The following ADAM29 variants were observed in gnomAD, a reference collection of about 807,000 sequenced individuals.
The protein encoded by ADAM29 is disintegrin and metalloproteinase domain-containing protein 29.
For missense variants in ADAM29, 969 were observed against 1,001.8 expected, an observed-to-expected ratio of 0.97 and a Z score of 0.44; for synonymous variants, 367 against 342.3, an observed-to-expected ratio of 1.07 and a Z score of -0.80.
At chr4:174,921,122 A>T (rs1269748987) in intron 2 of ADAM29, among the ~76,000 whole-genome samples, 9 of 152,220 alleles carry the variant, frequency 5.9e-5, no homozygotes, top group African/African-American at 1.9e-4. Flanking sequence ...TTGTCACCAG[A>T]AAGTATAAAC....
At chr4:174,949,326 G>A (rs552346224) in intron 4 of ADAM29, among the ~76,000 whole-genome samples, 33 of 152,246 alleles carry the variant, frequency 2.2e-4, no homozygotes, top group East Asian at 7.7e-4. Context: ...GCCATGCTCC[G>A]CTGAAGCCAT....
intron 4 of ADAM29, among the ~76,000 whole-genome samples, chr4:174,961,386 A>G (rs962057636): frequency 5.9e-5 from 9 of 151,732 alleles, no homozygotes; most frequent in Admixed American, 4.6e-4. Flanking sequence ...TAGACAGTGA[A>G]ACTTTATGCT....
At chr4:174,939,133 C>T (rs1436984030) in intron 4 of ADAM29, among the ~76,000 whole-genome samples, 1 of 152,110 alleles carries the variant, frequency 6.6e-6, no homozygotes, top group Middle Eastern at 3.2e-3. Flanking sequence ...AGTCTTTCTT[C>T]CAAATAAGAG....
In ADAM29 at chr4:174,977,851, C is replaced by T; in HGVS notation, c.2326C>T (p.Gln776Ter). ...GAGTCAACCTCGGGTGATGCCTTCT[C>T]AGAGTCAACCTCCTGTGATGCCTTC... ...SQSQPRVMPS[Q>*]SQPPVMPSQS... Residue 776 changes from glutamine (Q) to a stop codon, truncating the protein, a stop_gained, in exon 5 of 5, where the codon CAG (glutamine) becomes TAG (stop). Coordinates refer to ENST00000359240, the MANE Select transcript of ADAM29 (RefSeq NM_014269.4). LOFTEE classifies it low-confidence loss of function (END_TRUNC). 6.3e-7 allele frequency: 1 copy of T among 1,587,304 alleles called. No homozygotes were observed. Among genetic ancestry groups the T allele is most frequent in the Non-Finnish European group, 8.6e-7 (1 of 1,165,712 alleles).
intron 4 of ADAM29, among the ~76,000 whole-genome samples, chr4:174,967,258 A>T (rs895183929): frequency 6.6e-6 from 1 of 152,194 alleles, no homozygotes; most frequent in African/African-American, 2.4e-5. Flanking sequence ...AATTAAATGT[A>T]TATGTAAACT....
In ADAM29 at chr4:174,977,244, G is replaced by T; in HGVS notation, c.1719G>T (p.Trp573Cys). 4 of 1,614,044 alleles carry T rather than the reference G, an allele frequency of 2.5e-6. No homozygotes were observed. The highest frequency in any genetic ancestry group is 3.4e-6 in the Non-Finnish European group (4 of 1,180,036). The stretch of plus-strand genomic sequence containing the variant: ...TGAGTGATCATACTACTGTGCATTG[G>T]GCTCGCTTCAATGACATAATGTGCT... The part of the protein sequence containing the change: ...PNMSDHTTVH[W>C]ARFNDIMCWS... The change falls in exon 5 of 5, where the codon TGG (tryptophan) becomes TGT (cysteine). Residue 573 changes from tryptophan to cysteine, a missense_variant. By Grantham distance (215) the Trp-to-Cys change is radical. Transcript: ENST00000359240.
At position 174,977,737 on chromosome 4, in the gene ADAM29, C is replaced by A; in HGVS notation, c.2212C>A (p.Pro738Thr). Reference sequence around the variant, plus strand: ...TCCCCAGAGTCAACCTTGGGTGATGCCTTCCCAGAGTCAACCTCCTGTGAC... The same window carrying A: ...TCCCCAGAGTCAACCTTGGGTGATGACTTCCCAGAGTCAACCTCCTGTGAC... ...LPPQSQPWVMPSQSQPPVTPS... is the reference protein window; with the variant it reads ...LPPQSQPWVMTSQSQPPVTPS... The change falls in exon 5 of 5, where the codon CCT (proline) becomes ACT (threonine). Residue 738 changes from proline (P) to threonine (T), a missense_variant. By Grantham distance (38) the Pro-to-Thr change is conservative. Transcript: ENST00000359240. The A allele has an allele frequency of 1.9e-6, 3 of 1,604,524 alleles. No homozygotes were observed. The highest frequency in any genetic ancestry group is 1.7e-5 in the Admixed American group (1 of 59,804).
chr4:174,936,840 C>A (rs1010629834), intron 3 of ADAM29, 93 bp from the exon 4 acceptor site: 1 of 151,780 alleles, frequency 6.6e-6, no homozygotes, highest in African/African-American at 2.4e-5. Flanking sequence ...TGATCTCGTT[C>A]AGTTTAAAAG....
At chr4:174,961,708 T>A (rs1745831973) in intron 4 of ADAM29, among the ~76,000 whole-genome samples, 1 of 152,154 alleles carries the variant, frequency 6.6e-6, no homozygotes. Context: ...TAGAAAAACA[T>A]TTTTTATCAC....
chr4:174,922,847 T>G (rs1356763598), intron 2 of ADAM29, among the ~76,000 whole-genome samples: 4 of 151,978 alleles, frequency 2.6e-5, no homozygotes, highest in African/African-American at 4.8e-5. Flanking sequence ...AATATAATCT[T>G]CGAAATCTCA....
chr4:174,926,983 A>G (rs774688264), intron 2 of ADAM29, among the ~76,000 whole-genome samples: 13 of 152,258 alleles, frequency 8.5e-5, no homozygotes, highest in Non-Finnish European at 1.3e-4. Context: ...CCACCGAAGA[A>G]TATACATAAA....
At chr4:174,941,705 G>A (rs1232570081) in intron 4 of ADAM29, among the ~76,000 whole-genome samples, 1 of 152,120 alleles carries the variant, frequency 6.6e-6, no homozygotes, top group Non-Finnish European at 1.5e-5. Context: ...GGGACACAGA[G>A]CCAAACCATA....
chr4:174,928,895 G>T (rs1743682501), intron 2 of ADAM29, among the ~76,000 whole-genome samples: 2 of 152,122 alleles, frequency 1.3e-5, no homozygotes, highest in Non-Finnish European at 2.9e-5. Flanking sequence ...TGTAAAACTT[G>T]CAAGAGAAGA....
intron 4 of ADAM29, among the ~76,000 whole-genome samples, chr4:174,944,529 T>A (rs192989270): frequency 1.3e-3 from 198 of 152,326 alleles, no homozygotes; most frequent in African/African-American, 4.1e-3. Context: ...TATTTTTTTT[T>A]AATTAAACTT....
At chr4:174,927,651 C>T (rs924519620) in intron 2 of ADAM29, among the ~76,000 whole-genome samples, 3 of 152,122 alleles carry the variant, frequency 2.0e-5, no homozygotes, top group East Asian at 1.9e-4. Flanking sequence ...ATCTTGTAAC[C>T]TGCAGCCTTG....
rs548717930 is a variant in ADAM29 at position 174,947,432 on chromosome 4, G to A, written c.-181+10419G>A. Among the ~76,000 whole-genome samples the A allele has an allele frequency of 8.8e-4, 134 of 152,052 alleles. 1 individual carries two copies. Among genetic ancestry groups the A allele is most frequent in the Middle Eastern group, 6.8e-3 (2 of 294 alleles). On this transcript the variant is annotated intron_variant, in intron 4 of 4. Transcript: ENST00000359240. ...TGCTTTAGCTGTGTCCAGAGATTCT[G>A]GTATGTTGTATCATAGTTTTCATTA...
At chr4:174,968,188 T>C (rs1206429382) in intron 4 of ADAM29, among the ~76,000 whole-genome samples, 1 of 152,128 alleles carries the variant, frequency 6.6e-6, no homozygotes, top group African/African-American at 2.4e-5. Flanking sequence ...AAAATATACA[T>C]ACAATGAATT....
chr4:174,962,308 A>G (rs776784155), intron 4 of ADAM29, among the ~76,000 whole-genome samples: 88 of 152,172 alleles, frequency 5.8e-4, no homozygotes, highest in South Asian at 2.1e-3. Context: ...TCAGGAAATC[A>G]AGACCATCCT....
intron 4 of ADAM29, among the ~76,000 whole-genome samples, chr4:174,962,378 G>A (rs916320649): frequency 2.0e-5 from 3 of 149,800 alleles, no homozygotes; most frequent in African/African-American, 2.4e-5. Flanking sequence ...TGGGCGTGGT[G>A]GGGGGCGCCT....
Sources: allele counts gnomAD v4.1 joint callset (sites outside exome capture counted in the v4.1 genomes callset), GRCh38; gene constraint gnomAD v4.1.1; transcripts MANE v1.5; gene names NCBI Gene and HGNC (gene_info 2026-07-23, HGNC 2026-07-21).